Variants in DNAJC15 observed in about 807,000 individuals in gnomAD.
DNAJC15 encodes dnaJ homolog subfamily C member 15.
A neutral mutation model predicts 22.4 loss-of-function variants in DNAJC15; 27 were observed. The observed-to-expected ratio is 1.20, with a 90% CI of 0.89 to 1.66. The LOEUF (loss-of-function observed/expected upper bound fraction) is 1.66, where lower values mean the gene tolerates loss of function less well. Ranked by LOEUF, DNAJC15 falls within the 40% of genes most tolerant of loss-of-function variation. DNAJC15 has a pLI of 0.00. For synonymous variants in DNAJC15, 79 were observed against 63.2 expected, an observed-to-expected ratio of 1.25 and a Z score of -1.19; for missense variants, 208 against 187.1, an observed-to-expected ratio of 1.11 and a Z score of -0.65.
At chr13:43,079,811 C>G (rs2040653457) in intron 4 of DNAJC15, among the ~76,000 whole-genome samples, 1 of 152,128 alleles carries the variant, frequency 6.6e-6, no homozygotes, top group Non-Finnish European at 1.5e-5. Flanking sequence ...TGTATTTTTA[C>G]ATTCTCTTAA....
rs116210699 is a variant in DNAJC15 at position 43,060,983 on chromosome 13, C to G, written c.109-4703C>G. The stretch of plus-strand genomic sequence containing the variant: ...TCCTGGGCAGGGGCAAATCCCTGAG[C>G]TTGTTGTGTAGGGAAGGGATGGGGC... On this transcript the variant is annotated intron_variant, in intron 1 of 5. Coordinates refer to ENST00000379221, the MANE Select transcript of DNAJC15 (RefSeq NM_013238.3). Among the ~76,000 whole-genome samples, 978 of 152,248 alleles carry G rather than the reference C, an allele frequency of 6.4e-3. 4 individuals are homozygous for G. The highest frequency in any genetic ancestry group is 0.022 in the African/African-American group (918 of 41,556).
At chr13:43,044,703 G>A (rs550449147) in intron 1 of DNAJC15, among the ~76,000 whole-genome samples, 59 of 152,040 alleles carry the variant, frequency 3.9e-4, no homozygotes, top group African/African-American at 1.3e-3. Flanking sequence ...TCTTAATTAC[G>A]TTTAACTAGC....
chr13:43,042,676 C>G (rs1482821803), intron 1 of DNAJC15, among the ~76,000 whole-genome samples: 2 of 152,158 alleles, frequency 1.3e-5, no homozygotes, highest in Non-Finnish European at 2.9e-5. Flanking sequence ...GTAGGGCAGG[C>G]CCACAGTCTG....
intron 1 of DNAJC15, among the ~76,000 whole-genome samples, chr13:43,065,147 T>A (rs181076042): frequency 1.1e-3 from 170 of 152,316 alleles, no homozygotes; most frequent in Non-Finnish European, 2.1e-3. Flanking sequence ...ATATCTGACA[T>A]TCTGAATTTT....
chr13:43,027,230 AC>A (rs1284255182), intron 1 of DNAJC15, among the ~76,000 whole-genome samples: 1 of 152,174 alleles, frequency 6.6e-6, no homozygotes, highest in East Asian at 1.9e-4. Context: ...TGTAACTCTT[AC>A]TTTTATTTTT....
At position 43,112,785 on chromosome 13, in the gene DNAJC15, A is replaced by G. The variant is rs2040830957; in HGVS notation, c.*5537A>G. The G allele has an allele frequency of 6.6e-6, 1 of 152,188 alleles. No individual in the cohort carries two copies. 9.4% of individuals were successfully genotyped at this position (152,188 alleles called of 1,614,324 possible). ...ACTAGGAACCAAATTCAGACTCTGA[A>G]TCGCATGCTGTTTATATTATATTGC... is the stretch of plus-strand genomic sequence containing the variant. On this transcript the variant is annotated 3_prime_UTR_variant, in exon 6 of 6. Transcript: ENST00000379221.
At chr13:43,086,891 C>T (rs189008994) in intron 5 of DNAJC15, among the ~76,000 whole-genome samples, 2 of 152,292 alleles carry the variant, frequency 1.3e-5, no homozygotes, top group African/African-American at 4.8e-5. Flanking sequence ...GGCTTACTAA[C>T]ATCCTTTAGT....
chr13:43,065,248 C>T (rs769776756), intron 1 of DNAJC15, among the ~76,000 whole-genome samples: 44 of 152,156 alleles, frequency 2.9e-4, no homozygotes, highest in Admixed American at 1.8e-3. Flanking sequence ...GGAAGCTTGA[C>T]TTCTTTCCTA....
Position 43,078,603 on chromosome 13 carries a change from C to A in DNAJC15, c.235-9C>A, listed in dbSNP as rs747566896. 1 of 1,610,026 alleles carries A rather than the reference C, an allele frequency of 6.2e-7. No homozygotes were observed. Among genetic ancestry groups the A allele is most frequent in the Non-Finnish European group, 8.5e-7 (1 of 1,177,222 alleles). ...ACTAATGATTTCTTGCTCTTTCTTT[C>A]CTATACAGAGCTTTTCATCCTACTA... On this transcript the variant is annotated splice_polypyrimidine_tract_variant and intron_variant, in intron 3 of 5. Transcript: ENST00000379221.
chr13:43,033,576 G>A (rs571779451), intron 1 of DNAJC15, among the ~76,000 whole-genome samples: 72 of 152,296 alleles, frequency 4.7e-4, no homozygotes, highest in African/African-American at 1.4e-3. Context: ...GCTTGTGGCT[G>A]TGACAGTTTT....
chr13:43,066,272 A>T (rs561604420), intron 2 of DNAJC15, among the ~76,000 whole-genome samples: 1 of 151,546 alleles, frequency 6.6e-6, no homozygotes, highest in South Asian at 2.1e-4. Context: ...TTTTTTTGGA[A>T]TGGGCAAGAC....
At chr13:43,028,915 TTA>T (rs1161087752) in intron 1 of DNAJC15, among the ~76,000 whole-genome samples, 4 of 152,200 alleles carry the variant, frequency 2.6e-5, no homozygotes, top group Admixed American at 2.6e-4. Context: ...TCAAAATTAT[TTA>T]TATTTGTATA....
chr13:43,064,126 A>G (rs2040572136), intron 1 of DNAJC15, among the ~76,000 whole-genome samples: 1 of 152,184 alleles, frequency 6.6e-6, no homozygotes, highest in Non-Finnish European at 1.5e-5. Flanking sequence ...CCTTGCTGTC[A>G]TTGCCTTGTG....
chr13:43,082,700 C>T (rs2040667554), intron 4 of DNAJC15, among the ~76,000 whole-genome samples: 1 of 152,094 alleles, frequency 6.6e-6, no homozygotes, highest in African/African-American at 2.4e-5. Context: ...ATTTTCAGAG[C>T]ATTGTAATTA....
At chr13:43,085,103 C>T (rs184572609) in intron 4 of DNAJC15, among the ~76,000 whole-genome samples, 1 of 152,268 alleles carries the variant, frequency 6.6e-6, no homozygotes, top group Admixed American at 6.5e-5. Flanking sequence ...GAGGCTTACA[C>T]CTGTAATCCT....
intron 1 of DNAJC15, among the ~76,000 whole-genome samples, chr13:43,047,061 C>T (rs1391726926): frequency 6.6e-6 from 1 of 152,144 alleles, no homozygotes; most frequent in African/African-American, 2.4e-5. Context: ...GGCCAAGAAC[C>T]CCAGGTCAGA....
intron 1 of DNAJC15, among the ~76,000 whole-genome samples, chr13:43,054,787 G>C (rs955839009): frequency 6.6e-6 from 1 of 152,000 alleles, no homozygotes; most frequent in East Asian, 1.9e-4. Context: ...TTGGGTAGAC[G>C]GGGAGAAGAG....
At chr13:43,040,843 CTGTGCTTTAG>C in intron 1 of DNAJC15, among the ~76,000 whole-genome samples, 1 of 152,234 alleles carries the variant, frequency 6.6e-6, no homozygotes, top group South Asian at 2.1e-4. Context: ...GAATTAAGTG[CTGTGCTTTAG>C]ATATGCATAC....
At chr13:43,071,849 C>CT (rs1017062808) in intron 3 of DNAJC15, among the ~76,000 whole-genome samples, 2 of 151,956 alleles carry the variant, frequency 1.3e-5, no homozygotes, top group South Asian at 2.1e-4. Flanking sequence ...CTTTTTCATA[C>CT]TTTTTTTTCA....
Sources: allele counts gnomAD v4.1 joint callset (sites outside exome capture counted in the v4.1 genomes callset), GRCh38; gene constraint gnomAD v4.1.1; transcripts MANE v1.5; gene names NCBI Gene and HGNC (gene_info 2026-07-23, HGNC 2026-07-21).